The following ST3GAL1 variants were observed in gnomAD, a reference collection of about 807,000 sequenced individuals.
ST3GAL1 encodes ST3 beta-galactoside alpha-2,3-sialyltransferase 1.
Under a neutral mutation model 34.1 loss-of-function variants are expected in ST3GAL1, and 16 were observed. The ratio of observed to expected loss-of-function variants is 0.47; its 90% CI spans 0.32 to 0.71. The LOEUF (loss-of-function observed/expected upper bound fraction) is 0.71. Among genes scored for constraint, ST3GAL1 ranks in the 30% least tolerant of loss-of-function variants. The probability of loss-of-function intolerance (pLI) is 0.04; values close to 1 mark genes in which losing one functional copy is unlikely to be tolerated. For synonymous variants in ST3GAL1, 191 were observed against 184.7 expected, an observed-to-expected ratio of 1.03 and a Z score of -0.28; for missense variants, 353 against 447.4, an observed-to-expected ratio of 0.79 and a Z score of 1.90.
intron 2 of ST3GAL1, among the ~76,000 whole-genome samples, chr8:133,523,472 CT>C (rs1331491971): frequency 6.6e-6 from 1 of 152,208 alleles, no homozygotes; most frequent in African/African-American, 2.4e-5. Context: ...ATTTCCTCCT[CT>C]GTAAAGTGAA....
At chr8:133,563,780 G>A (rs1340185908) in intron 1 of ST3GAL1, among the ~76,000 whole-genome samples, 2 of 152,168 alleles carry the variant, frequency 1.3e-5, no homozygotes, top group East Asian at 3.8e-4. Flanking sequence ...AGATGTTAAT[G>A]AGACATGTAA....
intron 2 of ST3GAL1, among the ~76,000 whole-genome samples, chr8:133,539,400 C>A (rs1818401569): frequency 6.6e-6 from 1 of 152,192 alleles, no homozygotes; most frequent in Non-Finnish European, 1.5e-5. Context: ...GGGCAAAGAA[C>A]CAGAGCACGT....
intron 2 of ST3GAL1, among the ~76,000 whole-genome samples, chr8:133,509,783 C>A (rs1817451862): frequency 6.6e-6 from 1 of 152,182 alleles, no homozygotes; most frequent in Admixed American, 6.5e-5. Flanking sequence ...GAGGACCAGG[C>A]ACCGTGGCTA....
Position 133,461,886 on chromosome 8 carries a change from C to T in ST3GAL1, c.838G>A (p.Val280Ile), listed in dbSNP as rs1447223881. 1.2e-6 allele frequency: 2 copies of T among 1,614,116 alleles called. No individual in the cohort carries two copies. Among genetic ancestry groups the T allele is most frequent in the Non-Finnish European group, 1.7e-6 (2 of 1,180,012 alleles). ...GILSVIFSMH[V>I]CDEVDLYGFG... is the part of the protein sequence containing the mutation. ...GGAGGGTGGCATACCTCATCGCAGACATGCATTGAGAAGATGACCGAGAGG... is the reference window on the plus strand; with the variant it reads ...GGAGGGTGGCATACCTCATCGCAGATATGCATTGAGAAGATGACCGAGAGG... Residue 280 changes from valine to isoleucine, a missense_variant, in exon 9 of 10, where the codon GTC becomes ATC. Transcript: ENST00000522652. This position sits in a 1 kb window ranked among gnomAD's most constrained non-coding sequence, Gnocchi z 4.7.
At position 133,537,425 on chromosome 8, in the gene ST3GAL1, T is replaced by C. The variant is rs114017219; in HGVS notation, c.-429+8349A>G. ...GTCAGGGAAAGATTAGAGTCCTGTG[T>C]TAGGGCAGGGGAAGGAAGGCAGGAG... On this transcript the variant is annotated intron_variant, in intron 2 of 9. Coordinates refer to ENST00000522652, the MANE Select transcript of ST3GAL1 (RefSeq NM_173344.3). 7.5e-3 allele frequency among the ~76,000 whole-genome samples: 1,138 copies of C among 152,262 alleles called. 20 individuals are homozygous for C. The highest frequency in any genetic ancestry group is 0.026 in the African/African-American group (1,082 of 41,540).
chr8:133,483,022 T>A (rs937354978), intron 3 of ST3GAL1, among the ~76,000 whole-genome samples: 1 of 152,182 alleles, frequency 6.6e-6, no homozygotes, highest in Admixed American at 6.5e-5. Context: ...GATCCTCAAT[T>A]CCTGAATCTA....
chr8:133,521,703 C>T (rs985767242), intron 2 of ST3GAL1, among the ~76,000 whole-genome samples: 16 of 152,152 alleles, frequency 1.1e-4, no homozygotes, highest in Admixed American at 1.0e-3. Flanking sequence ...TGTTACAGGA[C>T]AGAAGTTTTC....
At chr8:133,468,140 G>A (rs997897523) in intron 5 of ST3GAL1, among the ~76,000 whole-genome samples, 1 of 152,010 alleles carries the variant, frequency 6.6e-6, no homozygotes, top group African/African-American at 2.4e-5. Flanking sequence ...ATTGAAAGCA[G>A]GGTCTCAAGC....
At chr8:133,516,427 T>G (rs1248727060) in intron 2 of ST3GAL1, among the ~76,000 whole-genome samples, 1 of 152,184 alleles carries the variant, frequency 6.6e-6, no homozygotes, top group East Asian at 1.9e-4. Flanking sequence ...CCCTCATGCA[T>G]TCCTTTACAG....
At chr8:133,569,300 A>T (rs1390970178) in intron 1 of ST3GAL1, among the ~76,000 whole-genome samples, 1 of 152,190 alleles carries the variant, frequency 6.6e-6, no homozygotes. Flanking sequence ...CCCTCTATTC[A>T]TTCTTTATTT....
chr8:133,561,108 C>CTTTTTTTTTTTTTT (rs765993286), intron 1 of ST3GAL1, among the ~76,000 whole-genome samples: 1 of 106,228 alleles, frequency 9.4e-6, no homozygotes. Flanking sequence ...CCAGAGCCAT[C>CTTTTTTTTTTTTTT]TTTTTTTTTT....
chr8:133,533,442 C>T (rs908876426), intron 2 of ST3GAL1, among the ~76,000 whole-genome samples: 5 of 152,214 alleles, frequency 3.3e-5, no homozygotes, highest in African/African-American at 9.7e-5. Flanking sequence ...ACCAACTCAC[C>T]GCACATTAGT....
intron 2 of ST3GAL1, chr8:133,544,215 C>G (rs144441675): frequency 6.6e-6 from 1 of 152,400 alleles, no homozygotes; most frequent in East Asian, 1.9e-4. Flanking sequence ...CCCTTCCATA[C>G]AAACTGTGCA....
intron 3 of ST3GAL1, among the ~76,000 whole-genome samples, chr8:133,484,204 C>T (rs75772109): frequency 7.2e-4 from 110 of 152,308 alleles, no homozygotes; most frequent in African/African-American, 2.6e-3. Context: ...TTTCCGACCT[C>T]CTAGCTGAGA....
rs553387212 is a variant in ST3GAL1, at chr8:133,508,622, A to G, written c.-428-9433T>C. Among the ~76,000 whole-genome samples, 1 of 152,232 alleles carries G rather than the reference A, an allele frequency of 6.6e-6. No individual in the cohort carries two copies. The highest frequency in any genetic ancestry group is 2.4e-5 in the African/African-American group (1 of 41,534). ...AAGCAGGGCACTCGCTCAAATTCAGAGACCTTTCTCAAGAGCTGGGAGGAT... is the reference window on the plus strand; with the variant it reads ...AAGCAGGGCACTCGCTCAAATTCAGGGACCTTTCTCAAGAGCTGGGAGGAT... On this transcript the variant is annotated intron_variant, in intron 2 of 9. Coordinates refer to ENST00000522652, the MANE Select transcript of ST3GAL1 (RefSeq NM_173344.3). The surrounding 1 kb of genome is among the most constrained non-coding windows in gnomAD (Gnocchi z 4.1).
intron 2 of ST3GAL1, among the ~76,000 whole-genome samples, chr8:133,528,279 T>C (rs539286376): frequency 6.6e-6 from 1 of 152,298 alleles, no homozygotes; most frequent in African/African-American, 2.4e-5. Context: ...TGCCAGCATT[T>C]TGTGCCTGCA....
intron 2 of ST3GAL1, among the ~76,000 whole-genome samples, chr8:133,507,788 A>G (rs1817389191): frequency 6.6e-6 from 1 of 152,198 alleles, no homozygotes; most frequent in Non-Finnish European, 1.5e-5. Flanking sequence ...CTGGAAAGGC[A>G]GGTTTCAGGT....
At chr8:133,490,410 C>T (rs573588881) in intron 3 of ST3GAL1, among the ~76,000 whole-genome samples, 6 of 152,224 alleles carry the variant, frequency 3.9e-5, no homozygotes, top group Admixed American at 6.5e-5. Context: ...CACACTAGGC[C>T]GGCTCCAGGA....
intron 1 of ST3GAL1, among the ~76,000 whole-genome samples, chr8:133,569,919 G>A (rs1819516332): frequency 6.6e-6 from 1 of 152,252 alleles, no homozygotes; most frequent in East Asian, 1.9e-4. Context: ...AGGTGCTCCA[G>A]GCACGTCTAG....
Sources: allele counts gnomAD v4.1 joint callset (sites outside exome capture counted in the v4.1 genomes callset), GRCh38; gene constraint gnomAD v4.1.1; non-coding constraint Gnocchi (gnomAD v3.1); transcripts MANE v1.5; gene names NCBI Gene and HGNC (gene_info 2026-07-23, HGNC 2026-07-21).